PRKCE: variants seen among roughly 807,000 people sequenced by gnomAD.
PRKCE encodes the protein protein kinase C epsilon.
A neutral mutation model predicts 85.4 loss-of-function variants in PRKCE; 16 were observed. The observed-to-expected ratio is 0.19, with a 90% CI of 0.13 to 0.28. The LOEUF is 0.28. Among genes scored for constraint, PRKCE ranks in the 10% least tolerant of loss-of-function variants. PRKCE has a pLI of 1.00. For missense variants in PRKCE, 573 were observed against 975.2 expected, an observed-to-expected ratio of 0.59 and a Z score of 5.49; for synonymous variants, 388 against 371.5, an observed-to-expected ratio of 1.04 and a Z score of -0.51.
At chr2:45,843,314 C>T (rs544944566) in intron 2 of PRKCE, among the ~76,000 whole-genome samples, 112 of 152,314 alleles carry the variant, frequency 7.4e-4, no homozygotes, top group African/African-American at 2.1e-3. Flanking sequence ...CGTTTTTGCA[C>T]GCTGTGTGCA....
intron 6 of PRKCE, among the ~76,000 whole-genome samples, chr2:45,995,123 G>T (rs1253552218): frequency 6.6e-6 from 1 of 151,918 alleles, no homozygotes; most frequent in Non-Finnish European, 1.5e-5. Context: ...TTTGCCCATT[G>T]GGTTATTCAT....
At position 45,877,403 on chromosome 2, in the gene PRKCE, C is replaced by G. The variant is rs1694558248; in HGVS notation, c.412+34340C>G. Among the ~76,000 whole-genome samples, 3 of 152,036 alleles carry G rather than the reference C, an allele frequency of 2.0e-5. No homozygotes were observed. The East Asian group carries it at 5.8e-4, about 29-fold the overall frequency. Reference sequence around the variant, plus strand: ...CTCTCTGGGATCCTGATTAAATATACTCCATCCTCTTACTCTTTCTTCTAC... The same window carrying G: ...CTCTCTGGGATCCTGATTAAATATAGTCCATCCTCTTACTCTTTCTTCTAC... On this transcript the variant is annotated intron_variant, in intron 2 of 14. Transcript: ENST00000306156.
At chr2:45,822,329 C>T (rs997671269) in intron 1 of PRKCE, among the ~76,000 whole-genome samples, 2 of 152,342 alleles carry the variant, frequency 1.3e-5, no homozygotes, top group East Asian at 1.9e-4. Flanking sequence ...TGAGCCAGCC[C>T]GGGAGAAAAG....
intron 2 of PRKCE, among the ~76,000 whole-genome samples, chr2:45,924,628 T>G (rs1698482007): frequency 6.6e-6 from 1 of 152,106 alleles, no homozygotes; most frequent in Admixed American, 6.6e-5. Flanking sequence ...TTTGTGATGG[T>G]TGAAAGGGGG....
intron 1 of PRKCE, among the ~76,000 whole-genome samples, chr2:45,670,666 C>G (rs1676117099): frequency 6.6e-6 from 1 of 152,096 alleles, no homozygotes; most frequent in African/African-American, 2.4e-5. Flanking sequence ...GATAGGGTTC[C>G]CTGCACTCAA....
chr2:46,001,160 C>T lies in PRKCE; in HGVS notation c.824-244C>T, dbSNP rs1003229938. Among the ~76,000 whole-genome samples, 1 of 151,658 alleles carries T rather than the reference C, an allele frequency of 6.6e-6. No homozygotes were observed. Among genetic ancestry groups the T allele is most frequent in the Admixed American group, 6.6e-5 (1 of 15,230 alleles). On this transcript the variant is annotated intron_variant, in intron 6 of 14. Coordinates refer to ENST00000306156, the MANE Select transcript of PRKCE (RefSeq NM_005400.3). The surrounding 1 kb of genome is among the most constrained non-coding windows in gnomAD (Gnocchi z 4.4). ...CTTACTTATCTATATTTAGGGTATA[C>T]GTAGAAAGGATGGCTGGAATGAAGT...
intron 1 of PRKCE, among the ~76,000 whole-genome samples, chr2:45,767,398 T>G (rs1195005651): frequency 6.6e-6 from 1 of 152,254 alleles, no homozygotes; most frequent in Non-Finnish European, 1.5e-5. Flanking sequence ...GAAATATGTA[T>G]CATCTCAGCA....
intron 6 of PRKCE, among the ~76,000 whole-genome samples, chr2:45,988,807 T>C (rs1703558642): frequency 6.6e-6 from 1 of 152,204 alleles, no homozygotes; most frequent in Non-Finnish European, 1.5e-5. Flanking sequence ...CGGGCATTTG[T>C]AGCCTTTTCA....
intron 1 of PRKCE, among the ~76,000 whole-genome samples, chr2:45,699,147 C>T (rs1017930824): frequency 6.6e-6 from 1 of 151,906 alleles, no homozygotes; most frequent in African/African-American, 2.4e-5. Context: ...CTTGTGCCCC[C>T]AACTCCCTCC....
rs144108495 is a variant in PRKCE at position 46,054,775 on chromosome 2, A to C, written c.1438-31433A>C. On this transcript the variant is annotated intron_variant, in intron 10 of 14. Coordinates refer to ENST00000306156, the MANE Select transcript of PRKCE (RefSeq NM_005400.3). ...TACCACTCCAATGTTGCCTTTTCCA[A>C]AACCACCCATGGCCCGCCCCACCCC... Among the ~76,000 whole-genome samples, 233 of 152,256 alleles carry C rather than the reference A, an allele frequency of 1.5e-3. 1 individual carries two copies. The highest frequency in any genetic ancestry group is 5.5e-3 in the African/African-American group (228 of 41,544).
chr2:46,047,788 A>T (rs7590029), intron 10 of PRKCE, among the ~76,000 whole-genome samples: 3,148 of 152,312 alleles, frequency 0.021, 112 homozygotes, highest in African/African-American at 0.072. Context: ...GATTTTTTCA[A>T]TAGGGAGGAT....
rs557884167 is a variant in PRKCE at position 45,817,402 on chromosome 2, A to G, written c.349-25598A>G. Among the ~76,000 whole-genome samples the G allele has an allele frequency of 5.9e-5, 9 of 152,310 alleles. 1 individual carries two copies. In the South Asian group the frequency reaches 1.9e-3, roughly 32 times the overall value. ...TCATGAATCAAATACTTTCTTTAAA[A>G]AAACTTTCCGGCTGGGCGCGGTGGC... On this transcript the variant is annotated intron_variant, in intron 1 of 14. Coordinates refer to ENST00000306156, the MANE Select transcript of PRKCE (RefSeq NM_005400.3).
chr2:46,122,295 G>A (rs1461706150), intron 11 of PRKCE, among the ~76,000 whole-genome samples: 1 of 152,140 alleles, frequency 6.6e-6, no homozygotes, highest in African/African-American at 2.4e-5. Flanking sequence ...GCAGTGGCGT[G>A]ATCTTGGCTC....
At chr2:46,070,891 C>G (rs559030538) in intron 10 of PRKCE, among the ~76,000 whole-genome samples, 5 of 152,286 alleles carry the variant, frequency 3.3e-5, no homozygotes, top group African/African-American at 1.2e-4. Context: ...GGAAAAGTAG[C>G]TTATATTTGA....
intron 1 of PRKCE, among the ~76,000 whole-genome samples, chr2:45,729,844 G>T (rs1681414492): frequency 1.3e-5 from 2 of 152,290 alleles, no homozygotes; most frequent in African/African-American, 4.8e-5. Context: ...GCCTCAAGGG[G>T]AGCAGATCTG....
chr2:46,045,499 A>T (rs1157955427), intron 10 of PRKCE, among the ~76,000 whole-genome samples: 1 of 152,244 alleles, frequency 6.6e-6, no homozygotes, highest in Non-Finnish European at 1.5e-5. Flanking sequence ...GGAGCTTCTC[A>T]GGCTCCAGTC....
intron 1 of PRKCE, among the ~76,000 whole-genome samples, chr2:45,692,483 C>T (rs965803145): frequency 3.3e-5 from 5 of 152,146 alleles, no homozygotes; most frequent in African/African-American, 7.2e-5. Flanking sequence ...ACCCTAATGA[C>T]CTCATCTGAA....
chr2:45,967,752 G>C (rs1025310396), intron 2 of PRKCE, among the ~76,000 whole-genome samples: 1 of 151,876 alleles, frequency 6.6e-6, no homozygotes, highest in African/African-American at 2.4e-5. Flanking sequence ...GCTCCTCTCA[G>C]CTTGAGGTTT....
At chr2:46,151,363 C>G (rs1259813795) in intron 13 of PRKCE, 134 bp downstream of exon 13, 1 of 959,376 alleles carries the variant, frequency 1.0e-6, no homozygotes, top group Non-Finnish European at 1.5e-6. Flanking sequence ...CTCCCTCCCA[C>G]CTCTGCTCAT....
Sources: gnomAD v4.1 joint callset for allele counts (sites outside exome capture counted in the v4.1 genomes callset) on GRCh38, gnomAD v4.1.1 for gene constraint, Gnocchi (gnomAD v3.1) non-coding constraint, MANE v1.5 for transcripts, NCBI Gene and HGNC (gene_info 2026-07-23, HGNC 2026-07-21) for gene names.